SCARB1: variants seen among roughly 807,000 people sequenced by gnomAD.
SCARB1 encodes scavenger receptor class B member 1, also known as CD36 and LIMPII analogous 1.
SCARB1 carries 30 observed loss-of-function variants against 57.2 expected under a neutral mutation model. The observed-to-expected ratio is 0.52, with a 90% CI of 0.39 to 0.71. The LOEUF is 0.71. Ranked by LOEUF, SCARB1 falls within the 30% of genes least tolerant of loss-of-function variation. SCARB1 has a pLI of 0.00. For synonymous variants in SCARB1, 249 were observed against 268.3 expected (o/e 0.93, Z 0.70); for missense variants, 543 against 671.2 (o/e 0.81, Z 2.11).
At chr12:124,858,510 G>A (rs1297592243) in intron 1 of SCARB1, among the ~76,000 whole-genome samples, 3 of 152,106 alleles carry the variant, frequency 2.0e-5, no homozygotes, top group African/African-American at 7.2e-5. Context: ...GTGCCTCATC[G>A]GTCTGTGTGG....
intron 1 of SCARB1, among the ~76,000 whole-genome samples, chr12:124,825,280 C>T (rs1470502993): frequency 1.3e-5 from 2 of 150,630 alleles, no homozygotes; most frequent in African/African-American, 4.9e-5. Flanking sequence ...TATTTCACAA[C>T]CCACAATCTG....
chr12:124,788,603 A>G (rs1949609849), intron 9 of SCARB1, among the ~76,000 whole-genome samples: 1 of 152,224 alleles, frequency 6.6e-6, no homozygotes, highest in Non-Finnish European at 1.5e-5. Context: ...AATGGAACAG[A>G]AAGATGAGTG....
intron 1 of SCARB1, among the ~76,000 whole-genome samples, chr12:124,851,393 T>C (rs557190530): frequency 6.6e-6 from 1 of 152,112 alleles, no homozygotes; most frequent in Non-Finnish European, 1.5e-5. Context: ...ACTCCCTACA[T>C]TGACACTAAC....
intron 2 of SCARB1, among the ~76,000 whole-genome samples, chr12:124,815,926 G>T (rs745529): frequency 0.27 from 41,521 of 151,946 alleles, 5,993 homozygotes; most frequent in South Asian, 0.44. Flanking sequence ...TTGCATGCAG[G>T]TTAAAATCAG....
chr12:124,835,903 C>G (rs996215804), intron 1 of SCARB1, among the ~76,000 whole-genome samples: 4 of 152,218 alleles, frequency 2.6e-5, no homozygotes, highest in African/African-American at 9.7e-5. Flanking sequence ...TGGGGTGTGC[C>G]CTCCAGCTTG....
intron 11 of SCARB1, 153 bp downstream of exon 11, chr12:124,786,204 G>A: frequency 1.3e-6 from 2 of 1,596,390 alleles, no homozygotes; most frequent in Non-Finnish European, 1.7e-6. Flanking sequence ...GCAGCCCCCA[G>A]CAGTGACCGC....
intron 12 of SCARB1, 79 bp downstream of exon 12, chr12:124,782,604 C>A (rs1003551053): frequency 1.6e-5 from 22 of 1,403,908 alleles, no homozygotes; most frequent in Middle Eastern, 4.6e-4. Flanking sequence ...ATGAGCAGGA[C>A]CCCAAATGTT....
intron 9 of SCARB1, among the ~76,000 whole-genome samples, chr12:124,790,008 T>TAAAAAAAAAAAA (rs1949666241): frequency 2.0e-5 from 2 of 102,368 alleles, no homozygotes; most frequent in African/African-American, 1.4e-4. Context: ...AGACTCCGTC[T>TAAAAAAAAAAAA]CAAAAAAAAA....
chr12:124,800,125 G>A lies in SCARB1; in HGVS notation c.1127C>T (p.Pro376Leu), dbSNP rs74830677. 867 of 1,609,304 alleles carry A rather than the reference G, an allele frequency of 5.4e-4. 15 individuals are homozygous for A. The highest frequency in any genetic ancestry group is 1.7e-4 in the Middle Eastern group (1 of 6,018). Residue 376 changes from proline to leucine, a missense_variant and splice_region_variant, in exon 8 of 13, where the codon CCG becomes CTG. Pro to Leu is a moderately conservative substitution (Grantham distance 98). Coordinates refer to ENST00000261693, the MANE Select transcript of SCARB1 (RefSeq NM_005505.5). The surrounding 1 kb of genome is among the most constrained non-coding windows in gnomAD (Gnocchi z 4.8). The part of the protein sequence containing the change: ...EAHSLFLDIH[P>L]VTGIPMNCSV... ...CCACAGAGGATGGCAGGGGCTCACC[G>A]GGTGGATGTCCAGGAACAAGGAGTG...
chr12:124,827,080 G>GC (rs1420414817), intron 1 of SCARB1, among the ~76,000 whole-genome samples: 1 of 152,146 alleles, frequency 6.6e-6, no homozygotes, highest in Non-Finnish European at 1.5e-5. Flanking sequence ...TGGCCCCTGT[G>GC]TTCTCTCTGG....
chr12:124,842,142 G>A (rs1427037125), intron 1 of SCARB1, among the ~76,000 whole-genome samples: 1 of 152,208 alleles, frequency 6.6e-6, no homozygotes, highest in African/African-American at 2.4e-5. Context: ...TAAAATGAGG[G>A]TTGTAAATGT....
chr12:124,807,914 T>C lies in SCARB1; in HGVS notation c.856A>G (p.Met286Val). The change falls in exon 7 of 13, where the codon ATG becomes GTG. Residue 286 changes from methionine to valine, a missense_variant. Met to Val is a conservative substitution (Grantham distance 21). Coordinates refer to ENST00000261693, the MANE Select transcript of SCARB1 (RefSeq NM_005505.5). The surrounding 1 kb of genome is among the most constrained non-coding windows in gnomAD (Gnocchi z 5.3). ...SPEACRSMKL[M>V]YKESGVFEGI... ...TCAAACACCCCTGACTCCTTGTACATTAGCTTCATGGATCTGCAGGGGACA... is the reference window on the plus strand; with the variant it reads ...TCAAACACCCCTGACTCCTTGTACACTAGCTTCATGGATCTGCAGGGGACA... 1 of 1,614,088 alleles carries C rather than the reference T, an allele frequency of 6.2e-7. No individual in the cohort carries two copies. The highest frequency in any genetic ancestry group is 1.1e-5 in the South Asian group (1 of 91,078).
Position 124,807,646 on chromosome 12 carries a change from G to A in SCARB1, c.1009+115C>T. The A allele has an allele frequency of 2.0e-6, 2 of 988,016 alleles. No individual in the cohort carries two copies. The highest frequency in any genetic ancestry group is 2.6e-5 in the East Asian group (1 of 38,592). 61.2% of individuals were successfully genotyped at this position (988,016 alleles called of 1,614,324 possible). The stretch of plus-strand genomic sequence containing the variant: ...GCGGCCTCATTATCTTCGCCTAATG[G>A]GATTATCAAGAGTACAGAGGCCAGA... On this transcript the variant is annotated intron_variant, in intron 7 of 12. Coordinates refer to ENST00000261693, the MANE Select transcript of SCARB1 (RefSeq NM_005505.5). The surrounding 1 kb of genome is among the most constrained non-coding windows in gnomAD (Gnocchi z 5.3).
chr12:124,838,212 C>T (rs532099858), intron 1 of SCARB1, among the ~76,000 whole-genome samples: 3 of 152,366 alleles, frequency 2.0e-5, no homozygotes, highest in Admixed American at 6.5e-5. Context: ...CCCTGCCAGG[C>T]CAGCTTCACG....
chr12:124,840,819 G>A lies in SCARB1; in HGVS notation c.126+22776C>T, dbSNP rs149715674. ...AAATCACCATCTTCTCTGCCTCCCC[G>A]CTTCCAGCCTGGCCCCCGACACTCC... On this transcript the variant is annotated intron_variant, in intron 1 of 12. Transcript: ENST00000261693. Among the ~76,000 whole-genome samples, 1,492 of 151,998 alleles carry A rather than the reference G, an allele frequency of 9.8e-3. 21 individuals are homozygous for A. The highest frequency in any genetic ancestry group is 0.034 in the African/African-American group (1,425 of 41,426).
At chr12:124,797,710 A>G (rs1949990557) in intron 8 of SCARB1, among the ~76,000 whole-genome samples, 1 of 152,242 alleles carries the variant, frequency 6.6e-6, no homozygotes. Context: ...GGAAGCCAGC[A>G]GAGCAAGAGA....
Position 124,814,450 on chromosome 12 carries a change from G to T in SCARB1, c.427-45C>A, listed in dbSNP as rs1284896928. On this transcript the variant is annotated intron_variant, in intron 3 of 12. Coordinates refer to ENST00000261693, the MANE Select transcript of SCARB1 (RefSeq NM_005505.5). This position sits in a 1 kb window ranked among gnomAD's most constrained non-coding sequence, Gnocchi z 4.7. ...TAGTGTCAGAGGCTGGACGTGGCTG[G>T]CCCATCCTCCCTTGGCCCCAGCTGG... The T allele has an allele frequency of 1.3e-6, 2 of 1,593,128 alleles. No homozygotes were observed. The highest frequency in any genetic ancestry group is 4.5e-5 in the East Asian group (2 of 44,780).
chr12:124,840,508 G>A (rs752819850), intron 1 of SCARB1, among the ~76,000 whole-genome samples: 2 of 152,082 alleles, frequency 1.3e-5, no homozygotes, highest in Non-Finnish European at 2.9e-5. Flanking sequence ...TGCTTGGTCC[G>A]TGTTTTAATG....
At chr12:124,826,449 A>G (rs1951167451) in intron 1 of SCARB1, among the ~76,000 whole-genome samples, 1 of 151,972 alleles carries the variant, frequency 6.6e-6, no homozygotes, top group Non-Finnish European at 1.5e-5. Flanking sequence ...GGATGCCTTA[A>G]ATATACATAA....
Sources: allele counts gnomAD v4.1 joint callset (sites outside exome capture counted in the v4.1 genomes callset), GRCh38; gene constraint gnomAD v4.1.1; non-coding constraint Gnocchi (gnomAD v3.1); transcripts MANE v1.5; gene names NCBI Gene and HGNC (gene_info 2026-07-23, HGNC 2026-07-21).